GRIN2A: variants seen among roughly 807,000 people sequenced by gnomAD.
GRIN2A encodes the protein glutamate receptor ionotropic, NMDA 2A.
A neutral mutation model predicts 113.4 loss-of-function variants in GRIN2A; 22 were observed. The observed-to-expected ratio is 0.19, with a 90% CI of 0.14 to 0.28. GRIN2A has a LOEUF of 0.28. Ranked by LOEUF, GRIN2A falls within the 10% of genes least tolerant of loss-of-function variation. The pLI is 1.00. For missense variants in GRIN2A, 1,502 were observed against 1,887.0 expected (o/e 0.80, Z 3.78); for synonymous variants, 827 against 738.4 (o/e 1.12, Z -1.94).
chr16:9,757,913 A>C lies in GRIN2A; in HGVS notation c.*5236T>G, dbSNP rs1436788317. The C allele has an allele frequency of 8.9e-6, 2 of 224,388 alleles. No individual in the cohort carries two copies. Among genetic ancestry groups the C allele is most frequent in the Admixed American group, 1.1e-4 (2 of 17,466 alleles). 13.9% of individuals were successfully genotyped at this position (224,388 alleles called of 1,614,324 possible). A position where few individuals can be genotyped will look rare whatever the true frequency, so the allele number is the denominator to read the frequency against. On this transcript the variant is annotated 3_prime_UTR_variant, in exon 13 of 13. Transcript: ENST00000330684. ...ACAAAACAAAAACCAGGGCAGCCTT[A>C]TGGGGATCTCTGGCTCTTATTCCAG...
intron 2 of GRIN2A, among the ~76,000 whole-genome samples, chr16:10,003,477 A>C (rs1775935855): frequency 6.6e-6 from 1 of 152,234 alleles, no homozygotes. Context: ...AGAAAAAACG[A>C]ACAGAGATGA....
chr16:9,879,253 C>T (rs987256346), intron 4 of GRIN2A, among the ~76,000 whole-genome samples: 2 of 151,896 alleles, frequency 1.3e-5, no homozygotes, highest in Non-Finnish European at 2.9e-5. Flanking sequence ...AGGAACTTGA[C>T]TTTAAATATG....
intron 2 of GRIN2A, among the ~76,000 whole-genome samples, chr16:10,163,041 T>C (rs767241024): frequency 3.3e-5 from 5 of 152,216 alleles, no homozygotes; most frequent in Admixed American, 2.0e-4. Flanking sequence ...GTTAAAAGAT[T>C]ATTTTTATGC....
At chr16:10,022,394 C>T (rs1461816534) in intron 2 of GRIN2A, among the ~76,000 whole-genome samples, 1 of 152,122 alleles carries the variant, frequency 6.6e-6, no homozygotes, top group Non-Finnish European at 1.5e-5. Context: ...TCCTCCATGT[C>T]CCACCTTGAC....
intron 10 of GRIN2A, among the ~76,000 whole-genome samples, chr16:9,813,373 A>G (rs1484904209): frequency 6.6e-6 from 1 of 152,246 alleles, no homozygotes; most frequent in Non-Finnish European, 1.5e-5. Context: ...AATTATAGTC[A>G]GAAGAAACTT....
At position 10,157,084 on chromosome 16, in the gene GRIN2A, T is replaced by C. The variant is rs574621444; in HGVS notation, c.414+22914A>G. ...AAAGCTTTAAGAGTGGAGAGTAACA[T>C]GTCCAATGCGCCCCTTGAGTAGGAG... On this transcript the variant is annotated intron_variant, in intron 2 of 12. Transcript: ENST00000330684. 2.0e-5 allele frequency among the ~76,000 whole-genome samples: 3 copies of C among 152,256 alleles called. No individual in the cohort carries two copies. In the South Asian group the frequency reaches 6.2e-4, roughly 32 times the overall value.
intron 2 of GRIN2A, among the ~76,000 whole-genome samples, chr16:9,995,824 G>A (rs765932095): frequency 2.0e-4 from 30 of 152,004 alleles, no homozygotes; most frequent in Non-Finnish European, 3.5e-4. Flanking sequence ...CATTTAAAGA[G>A]GGGATAGAGA....
intron 2 of GRIN2A, among the ~76,000 whole-genome samples, chr16:10,114,784 G>A (rs1159329877): frequency 6.6e-6 from 1 of 152,206 alleles, no homozygotes; most frequent in East Asian, 1.9e-4. Flanking sequence ...AGCCAAATAG[G>A]AACACTGGCA....
At chr16:9,800,226 C>T (rs563922530) in intron 10 of GRIN2A, among the ~76,000 whole-genome samples, 13 of 152,230 alleles carry the variant, frequency 8.5e-5, no homozygotes, top group African/African-American at 2.4e-4. Context: ...CCACCCACCT[C>T]GGCTTCCCAA....
At chr16:10,165,827 G>A (rs1024378494) in intron 2 of GRIN2A, among the ~76,000 whole-genome samples, 2 of 151,404 alleles carry the variant, frequency 1.3e-5, no homozygotes, top group Admixed American at 6.6e-5. Context: ...GAAGAGAGGA[G>A]AAGAGAAGAG....
At chr16:10,162,380 T>A (rs1002489108) in intron 2 of GRIN2A, among the ~76,000 whole-genome samples, 6 of 152,204 alleles carry the variant, frequency 3.9e-5, no homozygotes, top group African/African-American at 1.4e-4. Context: ...AACCTCTCTG[T>A]ATTCATTTTC....
At chr16:9,786,344 C>A (rs1348817553) in intron 11 of GRIN2A, among the ~76,000 whole-genome samples, 1 of 152,156 alleles carries the variant, frequency 6.6e-6, no homozygotes, top group Non-Finnish European at 1.5e-5. Flanking sequence ...TTTCCCCAAA[C>A]TGGCAGGGTT....
intron 7 of GRIN2A, among the ~76,000 whole-genome samples, chr16:9,838,032 A>G (rs1327355184): frequency 6.6e-6 from 1 of 152,218 alleles, no homozygotes; most frequent in Non-Finnish European, 1.5e-5. Context: ...TCAATATTTC[A>G]CTGAAGAGAA....
At chr16:9,960,383 T>A (rs2045413537) in intron 2 of GRIN2A, among the ~76,000 whole-genome samples, 3 of 152,204 alleles carry the variant, frequency 2.0e-5, no homozygotes. Flanking sequence ...CCCAAAATAC[T>A]AAGAGCGACT....
chr16:9,965,292 G>A (rs2141717346), intron 2 of GRIN2A, among the ~76,000 whole-genome samples: 1 of 152,276 alleles, frequency 6.6e-6, no homozygotes, highest in Non-Finnish European at 1.5e-5. Flanking sequence ...GGTCTAGTCT[G>A]ACTCACAAAT....
At chr16:10,066,753 G>A (rs550696490) in intron 2 of GRIN2A, among the ~76,000 whole-genome samples, 17 of 152,244 alleles carry the variant, frequency 1.1e-4, no homozygotes, top group Admixed American at 3.3e-4. Flanking sequence ...GAGATACCAC[G>A]TGTGCAGAGG....
intron 2 of GRIN2A, among the ~76,000 whole-genome samples, chr16:10,015,355 A>G (rs2046591013): frequency 6.6e-6 from 1 of 151,766 alleles, no homozygotes; most frequent in Non-Finnish European, 1.5e-5. Flanking sequence ...GAAAGAATAG[A>G]GAGGAAGAAA....
chr16:9,811,426 G>A (rs1170856984), intron 10 of GRIN2A, among the ~76,000 whole-genome samples: 1 of 152,186 alleles, frequency 6.6e-6, no homozygotes, highest in Non-Finnish European at 1.5e-5. Context: ...AGGAAATGAG[G>A]TCACATGTTT....
At chr16:10,080,340 C>T (rs541577898) in intron 2 of GRIN2A, among the ~76,000 whole-genome samples, 10 of 152,296 alleles carry the variant, frequency 6.6e-5, no homozygotes, top group African/African-American at 2.2e-4. Context: ...ATTAGGCTTC[C>T]TTTGCAAGCA....
Sources: gnomAD v4.1 joint callset for allele counts (sites outside exome capture counted in the v4.1 genomes callset) on GRCh38, gnomAD v4.1.1 for gene constraint, MANE v1.5 for transcripts, NCBI Gene and HGNC (gene_info 2026-07-23, HGNC 2026-07-21) for gene names.